The following PAM variants were observed in gnomAD, a reference collection of about 807,000 sequenced individuals.
PAM encodes the protein peptidylglycine alpha-amidating monooxygenase.
Under a neutral mutation model 122.1 loss-of-function variants are expected in PAM, and 72 were observed. The ratio of observed to expected loss-of-function variants is 0.59; its 90% CI spans 0.49 to 0.72. The LOEUF (loss-of-function observed/expected upper bound fraction) is 0.72. Ranked by LOEUF, PAM falls within the 30% of genes least tolerant of loss-of-function variation. The pLI, the probability that PAM is intolerant of heterozygous loss-of-function variation, is 0.00. For missense variants in PAM, 1,106 were observed against 1,183.7 expected (o/e 0.93, Z 0.96); for synonymous variants, 389 against 404.4 (o/e 0.96, Z 0.46).
chr5:102,999,621 C>A (rs1776774395), intron 16 of PAM, among the ~76,000 whole-genome samples: 1 of 152,236 alleles, frequency 6.6e-6, no homozygotes, highest in Non-Finnish European at 1.5e-5. Flanking sequence ...GACCTCCAGG[C>A]ATTTCCACAC....
intron 1 of PAM, among the ~76,000 whole-genome samples, chr5:102,857,022 T>C (rs1346661885): frequency 6.6e-6 from 1 of 152,132 alleles, no homozygotes; most frequent in Non-Finnish European, 1.5e-5. Flanking sequence ...CCACCTAGGG[T>C]GAAGTTTATC....
chr5:102,862,415 C>T (rs1784439660), intron 1 of PAM, among the ~76,000 whole-genome samples: 1 of 151,970 alleles, frequency 6.6e-6, no homozygotes, highest in East Asian at 1.9e-4. Flanking sequence ...TCAGTTTTTG[C>T]CTAAGAATTA....
chr5:102,896,476 A>G (rs529833362), intron 3 of PAM, among the ~76,000 whole-genome samples: 7 of 151,836 alleles, frequency 4.6e-5, no homozygotes, highest in African/African-American at 1.7e-4. Flanking sequence ...GCAAAATTCA[A>G]CAACTATTTC....
intron 1 of PAM, among the ~76,000 whole-genome samples, chr5:102,782,589 C>T (rs578213149): frequency 1.3e-5 from 2 of 152,192 alleles, no homozygotes; most frequent in East Asian, 1.9e-4. Flanking sequence ...GTGAAAATCA[C>T]GTCATAGGAT....
intron 1 of PAM, among the ~76,000 whole-genome samples, chr5:102,772,508 G>A (rs1561402861): frequency 6.6e-6 from 1 of 152,044 alleles, no homozygotes; most frequent in Non-Finnish European, 1.5e-5. Context: ...TATGTGCTAG[G>A]ATGCTTGTGC....
intron 14 of PAM, among the ~76,000 whole-genome samples, chr5:102,966,068 A>G (rs1040504925): frequency 2.0e-5 from 3 of 152,098 alleles, no homozygotes; most frequent in African/African-American, 4.8e-5. Flanking sequence ...TTTTAGTAAC[A>G]TCTTCTTAAC....
At chr5:102,954,373 C>T (rs1478961059) in intron 12 of PAM, among the ~76,000 whole-genome samples, 1 of 151,694 alleles carries the variant, frequency 6.6e-6, no homozygotes, top group East Asian at 1.9e-4. Flanking sequence ...TGTGGCTTAG[C>T]TCATATTTAT....
At position 102,961,237 on chromosome 5, in the gene PAM, T is replaced by C. The variant is rs377357472; in HGVS notation, c.1162+8T>C. On this transcript the variant is annotated splice_region_variant and intron_variant, in intron 14 of 25. Transcript: ENST00000438793. ...AAGAAGTGTTAGACCAGGGTATGTA[T>C]GCTTATTTCTATAACTAGTCCTATA... The C allele has an allele frequency of 4.7e-6, 7 of 1,477,178 alleles. No individual in the cohort carries two copies. The African/African-American group carries it at 9.7e-5, about 21-fold the overall frequency. 91.5% of individuals were successfully genotyped at this position (1,477,178 alleles called of 1,614,324 possible). A position where few individuals can be genotyped will look rare whatever the true frequency, so the allele number is the denominator to read the frequency against.
At chr5:102,810,093 T>A (rs1011353979) in intron 1 of PAM, among the ~76,000 whole-genome samples, 6 of 152,200 alleles carry the variant, frequency 3.9e-5, no homozygotes, top group African/African-American at 1.4e-4. Context: ...AAGAATAATA[T>A]AGTCTAAGCT....
chr5:102,879,300 G>A (rs1387806303), intron 3 of PAM, among the ~76,000 whole-genome samples: 1 of 152,152 alleles, frequency 6.6e-6, no homozygotes, highest in African/African-American at 2.4e-5. Flanking sequence ...GTAGTGTACA[G>A]TAATGTCCTA....
Position 102,949,965 on chromosome 5 carries a change from C to G in PAM, c.788C>G (p.Pro263Arg). 1.3e-6 allele frequency: 2 copies of G among 1,567,492 alleles called. No individual in the cohort carries two copies. The highest frequency in any genetic ancestry group is 1.8e-6 in the Non-Finnish European group (2 of 1,138,510). ...GQWTLIGRQS[P>R]QLPQAFYPVG... is the part of the protein sequence containing the mutation. ...TGGACACTGATTGGACGGCAGAGCC[C>G]TCAGCTGCCACAGGTGGGTAAAATC... Residue 263 changes from proline (P) to arginine (R), a missense_variant, in exon 11 of 26, where the codon CCT (proline) becomes CGT (arginine). This residue lies in a region of PAM where 670 missense variants were observed against 690.3 expected (regional missense o/e 0.97). Transcript: ENST00000438793.
chr5:102,936,011 G>A (rs939375492), intron 7 of PAM, among the ~76,000 whole-genome samples: 4 of 151,962 alleles, frequency 2.6e-5, no homozygotes, highest in African/African-American at 4.8e-5. Flanking sequence ...GTTAAATATC[G>A]CAATCATTAA....
intron 9 of PAM, 145 bp downstream of exon 9, chr5:102,948,590 T>A (rs965420706): frequency 1.9e-6 from 1 of 536,536 alleles, no homozygotes; most frequent in Non-Finnish European, 3.4e-6. Flanking sequence ...GTCCTTGGAT[T>A]TAAAATAGAT....
At chr5:102,900,070 C>G (rs1327570150) in intron 3 of PAM, among the ~76,000 whole-genome samples, 1 of 151,484 alleles carries the variant, frequency 6.6e-6, no homozygotes, top group Non-Finnish European at 1.5e-5. Flanking sequence ...TTTACAGTTG[C>G]AAGCTTTCTG....
chr5:102,948,605 G>A (rs974938683), intron 9 of PAM, among the ~76,000 whole-genome samples, 160 bp downstream of exon 9: 2 of 151,882 alleles, frequency 1.3e-5, no homozygotes, highest in African/African-American at 4.8e-5. Context: ...ATAGATTTTT[G>A]TATTATTCCA....
At chr5:102,897,217 T>C (rs77839094) in intron 3 of PAM, among the ~76,000 whole-genome samples, 2,539 of 151,662 alleles carry the variant, frequency 0.017, 81 homozygotes, top group African/African-American at 0.057. Flanking sequence ...ATGAGTAATA[T>C]GTGGAAACGT....
intron 1 of PAM, among the ~76,000 whole-genome samples, chr5:102,803,209 A>AAGGAAGGAAG (rs1561487405): frequency 1.6e-4 from 5 of 31,150 alleles, no homozygotes; most frequent in African/African-American, 2.7e-4. Flanking sequence ...AAGGAAGGAA[A>AAGGAAGGAAG]GAAGGAAGGA....
chr5:103,027,492 G>A (rs574280470), intron 24 of PAM, among the ~76,000 whole-genome samples: 38 of 152,268 alleles, frequency 2.5e-4, no homozygotes, highest in African/African-American at 8.9e-4. Flanking sequence ...GACACAGCAA[G>A]GGAAAAAATG....
At chr5:102,950,412 G>GCTGGGGGTGTGTGT (rs1554134131) in intron 11 of PAM, among the ~76,000 whole-genome samples, 1 of 94,590 alleles carries the variant, frequency 1.1e-5, no homozygotes, top group Non-Finnish European at 2.3e-5. Flanking sequence ...TGTGTATGTG[G>GCTGGGGGTGTGTGT]GTGGGTGTGT....
Sources: gnomAD v4.1 joint callset for allele counts (sites outside exome capture counted in the v4.1 genomes callset) on GRCh38, gnomAD v4.1.1 for gene constraint, gnomAD v4.1.1 regional missense constraint, MANE v1.5 for transcripts, NCBI Gene and HGNC (gene_info 2026-07-23, HGNC 2026-07-21) for gene names.